Variants in RUNX1 observed in about 807,000 individuals in gnomAD.
RUNX1 encodes the protein runt-related transcription factor 1.
A neutral mutation model predicts 42.8 loss-of-function variants in RUNX1; 19 were observed. The observed-to-expected ratio is 0.44, with a 90% CI of 0.31 to 0.65. The LOEUF (loss-of-function observed/expected upper bound fraction) is 0.65. RUNX1 is among the 30% of genes least tolerant of loss of function. RUNX1 has a pLI of 0.07. For missense variants in RUNX1, 528 were observed against 672.0 expected (o/e 0.79, Z 2.37); for synonymous variants, 271 against 289.4 (o/e 0.94, Z 0.64).
At chr21:34,906,354 C>T (rs2058219567) in intron 2 of RUNX1, among the ~76,000 whole-genome samples, 1 of 152,148 alleles carries the variant, frequency 6.6e-6, no homozygotes, top group African/African-American at 2.4e-5. Context: ...ATTCATTCCT[C>T]AAAAGCAAAA....
chr21:35,005,648 C>T lies in RUNX1; in HGVS notation c.58+43194G>A, dbSNP rs541345154. ...CTTAGCTTCCTTCTTACAGCTCAGACTCTGCTGGACCGACCCTGATATACC... is the reference window on the plus strand; with the variant it reads ...CTTAGCTTCCTTCTTACAGCTCAGATTCTGCTGGACCGACCCTGATATACC... On this transcript the variant is annotated intron_variant, in intron 2 of 8. Transcript: ENST00000675419. 2.6e-5 allele frequency among the ~76,000 whole-genome samples: 4 copies of T among 152,342 alleles called. No individual in the cohort carries two copies. In the East Asian group the frequency reaches 7.7e-4, roughly 29 times the overall value.
intron 7 of RUNX1, among the ~76,000 whole-genome samples, chr21:34,802,044 C>T (rs2056614772): frequency 6.6e-6 from 1 of 152,194 alleles, no homozygotes; most frequent in Admixed American, 6.5e-5. Context: ...ATAGGTCCTA[C>T]ACAGTATTTC....
chr21:35,017,131 C>T (rs1329185231), intron 2 of RUNX1, among the ~76,000 whole-genome samples: 3 of 152,096 alleles, frequency 2.0e-5, no homozygotes, highest in African/African-American at 7.2e-5. Context: ...CAGTCTTTGT[C>T]TACCTTCTGT....
intron 2 of RUNX1, among the ~76,000 whole-genome samples, chr21:34,962,581 G>GT (rs35002125): frequency 0.46 from 69,595 of 152,038 alleles, 16,280 homozygotes; most frequent in East Asian, 0.59. Flanking sequence ...TTGTTTGTGT[G>GT]TTTTTTCTTT....
intron 2 of RUNX1, among the ~76,000 whole-genome samples, chr21:35,004,068 A>C (rs1359568014): frequency 1.3e-5 from 2 of 152,210 alleles, no homozygotes; most frequent in Admixed American, 1.3e-4. Flanking sequence ...TTCCACCACC[A>C]TTTACTGTTG....
chr21:34,893,010 A>G (rs1251059918), intron 2 of RUNX1, 47 bp from the exon 3 acceptor site: 1 of 1,331,532 alleles, frequency 7.5e-7, no homozygotes, highest in Non-Finnish European at 1.1e-6. Flanking sequence ...AAGTTTAAAA[A>G]TTAACTTTCC....
rs2145906876 is a variant in RUNX1, at chr21:34,799,295, G to C, written c.967+6C>G. ...GCTGCAAAGAATGTGTTTTCAAGTG[G>C]CTTACTTGAGAGTCGACTGGAAAGT... On this transcript the variant is annotated splice_donor_region_variant and intron_variant, in intron 8 of 8. Transcript: ENST00000675419. The C allele has an allele frequency of 6.2e-7, 1 of 1,614,068 alleles. No individual in the cohort carries two copies. The highest frequency in any genetic ancestry group is 8.5e-7 in the Non-Finnish European group (1 of 1,179,948).
At chr21:34,890,724 T>TCCCCCCTC (rs2058071518) in intron 3 of RUNX1, among the ~76,000 whole-genome samples, 1 of 140,164 alleles carries the variant, frequency 7.1e-6, no homozygotes, top group African/African-American at 2.7e-5. Flanking sequence ...CAGTTGTAAA[T>TCCCCCCTC]CCCCCCCTCC....
intron 2 of RUNX1, among the ~76,000 whole-genome samples, chr21:34,987,927 G>GT (rs1481005128): frequency 1.3e-5 from 2 of 152,200 alleles, no homozygotes; most frequent in Non-Finnish European, 2.9e-5. Flanking sequence ...CAGGGCACAG[G>GT]TGGCCTGAAA....
At chr21:35,015,898 C>T (rs1042712160) in intron 2 of RUNX1, among the ~76,000 whole-genome samples, 2 of 152,174 alleles carry the variant, frequency 1.3e-5, no homozygotes, top group African/African-American at 4.8e-5. Flanking sequence ...TTTATGACTC[C>T]AGTGTACAAG....
intron 2 of RUNX1, among the ~76,000 whole-genome samples, chr21:35,023,108 A>C (rs1205352869): frequency 6.6e-6 from 1 of 151,548 alleles, no homozygotes; most frequent in African/African-American, 2.4e-5. Flanking sequence ...ATTCCTGGAA[A>C]ATTTTTGTAC....
intron 7 of RUNX1, among the ~76,000 whole-genome samples, chr21:34,807,893 T>A (rs943799126): frequency 1.3e-5 from 2 of 152,042 alleles, no homozygotes; most frequent in Admixed American, 1.3e-4. Context: ...TCCCTGGGGG[T>A]GGGTGACTCT....
At chr21:34,966,327 C>G (rs2058718029) in intron 2 of RUNX1, among the ~76,000 whole-genome samples, 1 of 152,210 alleles carries the variant, frequency 6.6e-6, no homozygotes, top group South Asian at 2.1e-4. Flanking sequence ...CTAAGTGCCT[C>G]ACGCCACTTT....
At chr21:34,853,820 T>C (rs1466054621) in intron 6 of RUNX1, among the ~76,000 whole-genome samples, 2 of 151,178 alleles carry the variant, frequency 1.3e-5, no homozygotes, top group African/African-American at 2.4e-5. Flanking sequence ...CCTTCATTTT[T>C]TTTTTTTTTT....
chr21:34,808,176 G>A (rs1449891325), intron 7 of RUNX1, among the ~76,000 whole-genome samples: 2 of 152,240 alleles, frequency 1.3e-5, no homozygotes, highest in Non-Finnish European at 2.9e-5. Context: ...CCAACCGTTC[G>A]TCTCTGGCCG....
intron 2 of RUNX1, among the ~76,000 whole-genome samples, chr21:35,042,026 C>G (rs900035691): frequency 6.6e-6 from 1 of 152,114 alleles, no homozygotes; most frequent in East Asian, 1.9e-4. Flanking sequence ...TTTCCAGCTG[C>G]GAGAAACCGA....
intron 2 of RUNX1, among the ~76,000 whole-genome samples, chr21:34,949,540 G>GGAATCCTCAACA (rs1242847561): frequency 1.3e-5 from 2 of 152,258 alleles, no homozygotes; most frequent in Non-Finnish European, 2.9e-5. Flanking sequence ...GTTTGAGGAT[G>GGAATCCTCAACA]TAACCTACCA....
intron 2 of RUNX1, among the ~76,000 whole-genome samples, chr21:35,036,150 G>A (rs936248319): frequency 2.6e-5 from 4 of 152,130 alleles, no homozygotes; most frequent in African/African-American, 9.7e-5. Flanking sequence ...GCCGGAAGAA[G>A]CACAGCAAAT....
Position 35,046,537 on chromosome 21 carries a change from G to A in RUNX1, c.58+2305C>T, listed in dbSNP as rs1288687754. Among the ~76,000 whole-genome samples, 4 of 152,204 alleles carry A rather than the reference G, an allele frequency of 2.6e-5. No individual in the cohort carries two copies. In the East Asian group the frequency reaches 7.7e-4, roughly 29 times the overall value. On this transcript the variant is annotated intron_variant, in intron 2 of 8. Coordinates refer to ENST00000675419, the MANE Select transcript of RUNX1 (RefSeq NM_001754.5). Reference sequence around the variant, plus strand: ...GCGAGTGGCCCAGCTATGGCAACAGGCTGAGAACTCTGGGGGAGAGCCATT... The same window carrying A: ...GCGAGTGGCCCAGCTATGGCAACAGACTGAGAACTCTGGGGGAGAGCCATT...
Sources: allele counts gnomAD v4.1 joint callset (sites outside exome capture counted in the v4.1 genomes callset), GRCh38; gene constraint gnomAD v4.1.1; transcripts MANE v1.5; gene names NCBI Gene and HGNC (gene_info 2026-07-23, HGNC 2026-07-21).